The following OPHN1 variants were observed in gnomAD, a reference collection of about 807,000 sequenced individuals.
OPHN1 encodes oligophrenin 1.
In OPHN1, 11 loss-of-function variants were observed where a neutral mutation model predicts 60.7. The ratio of observed to expected loss-of-function variants is 0.18; its 90% CI spans 0.11 to 0.30. The LOEUF (loss-of-function observed/expected upper bound fraction) is 0.30. Ranked by LOEUF, OPHN1 falls within the 10% of genes least tolerant of loss-of-function variation. The pLI is 1.00. For synonymous variants in OPHN1, 226 were observed against 222.6 expected, an observed-to-expected ratio of 1.02 and a Z score of -0.14; for missense variants, 449 against 611.0, an observed-to-expected ratio of 0.73 and a Z score of 2.80.
chrX:68,316,666 C>T (rs1366717583), intron 2 of OPHN1, among the ~76,000 whole-genome samples: 2 of 111,311 alleles, frequency 1.8e-5, no homozygotes, highest in African/African-American at 6.6e-5. Context: ...CAGATCAAGT[C>T]CTTATGACAC....
intron 2 of OPHN1, among the ~76,000 whole-genome samples, chrX:68,383,781 A>G (rs1183630202): frequency 1.8e-5 from 2 of 110,137 alleles, no homozygotes; most frequent in Non-Finnish European, 3.8e-5. Flanking sequence ...CATCCATGAG[A>G]GAACGAATTG....
chrX:68,176,957 ATTG>A lies in OPHN1; in HGVS notation c.1276+15959_1276+15961del, dbSNP rs768060149. On this transcript the variant is annotated intron_variant, in intron 15 of 24. Coordinates refer to ENST00000355520, the MANE Select transcript of OPHN1 (RefSeq NM_002547.3). ...ACAGAAGAATGAATGAACAATACAT[ATTG>A]TTTTTATATATACATATATATATAT... 2.9e-3 allele frequency among the ~76,000 whole-genome samples: 260 copies of A among 89,727 alleles called. 1 individual carries two copies. The highest frequency in any genetic ancestry group is 4.4e-3 in the Non-Finnish European group (202 of 46,043). The allele number at this position is 89,727 out of a possible 115,157, so 77.9% of individuals were successfully genotyped here. A position where few individuals can be genotyped will look rare whatever the true frequency, so the allele number is the denominator to read the frequency against.
intron 6 of OPHN1, among the ~76,000 whole-genome samples, chrX:68,226,890 T>C (rs1394519515): frequency 1.8e-5 from 2 of 111,516 alleles, no homozygotes; most frequent in Admixed American, 9.6e-5. Flanking sequence ...ATATTAACCT[T>C]AAATGTAAAT....
intron 2 of OPHN1, among the ~76,000 whole-genome samples, chrX:68,327,918 T>C (rs1356805477): frequency 2.1e-5 from 2 of 96,834 alleles, no homozygotes; most frequent in East Asian, 3.3e-4. Context: ...CAAGCTCCGC[T>C]TCCTGGGTTC....
intron 2 of OPHN1, among the ~76,000 whole-genome samples, chrX:68,356,145 CTGTAGGGG>C (rs200932093): frequency 0.011 from 1,216 of 111,021 alleles, 13 homozygotes; most frequent in Non-Finnish European, 0.017. Flanking sequence ...CTGGATGTTT[CTGTAGGGG>C]TGTTTTTGGA....
intron 12 of OPHN1, among the ~76,000 whole-genome samples, chrX:68,194,999 AAAGAAAGGAAGGAAGGAAGGAAGG>A (rs1221597153): frequency 6.9e-5 from 5 of 71,995 alleles, no homozygotes; most frequent in Non-Finnish European, 1.0e-4. Flanking sequence ...AGAGAGAGAG[AAAGAAAGGAAGGAAGGAAGGAAGG>A]AAGGAAGGAA....
At position 68,224,900 on chromosome X, in the gene OPHN1, G is replaced by T. The variant is rs189448380; in HGVS notation, c.486+9587C>A. Among the ~76,000 whole-genome samples the T allele has an allele frequency of 1.3e-3, 148 of 112,260 alleles. 2 individuals are homozygous for T. Among genetic ancestry groups the T allele is most frequent in the African/African-American group, 4.7e-3 (144 of 30,943 alleles). ...TTGGACAGTGGGTGCAGCCCACAGA[G>T]TGTCAGCCGAAGCAGGGCAGGGCAT... is the stretch of plus-strand genomic sequence containing the variant. On this transcript the variant is annotated intron_variant, in intron 6 of 24. Transcript: ENST00000355520.
At chrX:68,190,088 G>A (rs1393892968) in intron 15 of OPHN1, among the ~76,000 whole-genome samples, 1 of 111,511 alleles carries the variant, frequency 9.0e-6, no homozygotes. Context: ...CAAGCCCCTA[G>A]TGGTATGAGA....
chrX:68,358,236 G>A (rs1443793075), intron 2 of OPHN1, among the ~76,000 whole-genome samples: 1 of 110,744 alleles, frequency 9.0e-6, no homozygotes, highest in Non-Finnish European at 1.9e-5. Flanking sequence ...CACGAGAATC[G>A]CTTGAACCCA....
chrX:68,220,929 C>T (rs1486267016), intron 6 of OPHN1, among the ~76,000 whole-genome samples: 10 of 77,238 alleles, frequency 1.3e-4, no homozygotes, highest in Admixed American at 7.0e-4. Context: ...AAGTTCTGGC[C>T]AGGGCAATTA....
chrX:68,044,079 AG>A lies in OPHN1; in HGVS notation c.*3092del, dbSNP rs1334100449. The A allele has an allele frequency of 2.7e-5, 3 of 112,814 alleles. No homozygotes were observed. The highest frequency in any genetic ancestry group is 9.7e-5 in the African/African-American group (3 of 31,033). The allele number at this position is 112,814 out of a possible 1,213,427, so 9.3% of individuals were successfully genotyped here. On this transcript the variant is annotated 3_prime_UTR_variant, in exon 25 of 25. Transcript: ENST00000355520. ...TCTTAAAAACATTACCAAATGTGCA[AG>A]CTGAATATGAAGAGAAAGCCTAACT...
intron 23 of OPHN1, among the ~76,000 whole-genome samples, chrX:68,048,844 C>A (rs1409883065): frequency 8.9e-6 from 1 of 111,906 alleles, no homozygotes; most frequent in African/African-American, 3.3e-5. Context: ...ACCAAACCAA[C>A]CTTGTCCAGC....
chrX:68,218,737 T>A (rs1333629275), intron 6 of OPHN1, among the ~76,000 whole-genome samples: 2 of 92,908 alleles, frequency 2.2e-5, no homozygotes, highest in East Asian at 7.2e-4. Flanking sequence ...GCTGAGAGAT[T>A]TTGTCACCAC....
rs1476698744 is a variant in OPHN1, at chrX:68,133,138, T to A, written c.1277-13806A>T. 3 of 639,745 alleles carry A rather than the reference T, an allele frequency of 4.7e-6. No homozygotes were observed. The East Asian group carries it at 9.7e-5, about 21-fold the overall frequency. 52.7% of individuals were successfully genotyped at this position (639,745 alleles called of 1,213,427 possible). A position where few individuals can be genotyped will look rare whatever the true frequency, so the allele number is the denominator to read the frequency against. On this transcript the variant is annotated intron_variant, in intron 15 of 24. Transcript: ENST00000355520. Reference sequence around the variant, plus strand: ...ACAGTCGTTATCAGAGGTGGAGACATTTAGAAATTGTTCTTAATCAGAGTG... The same window carrying A: ...ACAGTCGTTATCAGAGGTGGAGACAATTAGAAATTGTTCTTAATCAGAGTG...
intron 15 of OPHN1, chrX:68,133,110 A>G (rs768265512): frequency 3.9e-5 from 23 of 582,413 alleles, no homozygotes; most frequent in Non-Finnish European, 6.1e-5. Context: ...ATAAAACTAG[A>G]ATACAGTCGT....
At chrX:68,292,366 G>A (rs1271735972) in intron 3 of OPHN1, among the ~76,000 whole-genome samples, 4 of 111,624 alleles carry the variant, frequency 3.6e-5, no homozygotes, top group East Asian at 2.8e-4. Flanking sequence ...CTTGAAAATA[G>A]TGTTATTATG....
At chrX:68,075,697 A>G (rs2076950856) in intron 19 of OPHN1, among the ~76,000 whole-genome samples, 2 of 107,521 alleles carry the variant, frequency 1.9e-5, no homozygotes, top group African/African-American at 6.8e-5. Context: ...ATCTATACAG[A>G]TAAATTTATT....
intron 2 of OPHN1, among the ~76,000 whole-genome samples, chrX:68,411,450 A>G (rs1183157812): frequency 8.9e-6 from 1 of 112,299 alleles, no homozygotes; most frequent in East Asian, 2.8e-4. Context: ...TGACTTTTTA[A>G]TAATAGCCAT....
chrX:68,052,427 C>A, intron 23 of OPHN1, 113 bp downstream of exon 23: 1 of 696,887 alleles, frequency 1.4e-6, no homozygotes, highest in Non-Finnish European at 2.2e-6. Flanking sequence ...CAGACAGAGA[C>A]AGAGCTGTAG....
Sources: gnomAD v4.1 joint callset for allele counts (sites outside exome capture counted in the v4.1 genomes callset) on GRCh38, gnomAD v4.1.1 for gene constraint, MANE v1.5 for transcripts, NCBI Gene and HGNC (gene_info 2026-07-23, HGNC 2026-07-21) for gene names.